The following UNC13C variants were observed in gnomAD, a reference collection of about 807,000 sequenced individuals.
UNC13C encodes protein unc-13 homolog C.
A neutral mutation model predicts 245.4 loss-of-function variants in UNC13C; 174 were observed. That is an observed-to-expected ratio of 0.71 (90% CI 0.63 to 0.80). UNC13C has a LOEUF of 0.80. Among genes scored for constraint, UNC13C ranks in the 30% least tolerant of loss-of-function variants. The probability of loss-of-function intolerance (pLI) is 0.00; values close to 1 mark genes in which losing one functional copy is unlikely to be tolerated. For missense variants in UNC13C, 2,829 were observed against 2,602.9 expected (o/e 1.09, Z -1.89); for synonymous variants, 992 against 895.1 (o/e 1.11, Z -1.93).
intron 2 of UNC13C, among the ~76,000 whole-genome samples, chr15:54,121,314 G>A (rs1159821292): frequency 6.6e-6 from 1 of 152,142 alleles, no homozygotes; most frequent in Non-Finnish European, 1.5e-5. Flanking sequence ...ATTTGCGGAA[G>A]GCTCAGACGA....
intron 19 of UNC13C, among the ~76,000 whole-genome samples, chr15:54,437,792 G>A (rs1890302669): frequency 6.6e-6 from 1 of 151,824 alleles, no homozygotes; most frequent in Admixed American, 6.6e-5. Flanking sequence ...ATCCAGTATG[G>A]TTTCTCCTAT....
the UNC13C span, among the ~76,000 whole-genome samples, chr15:53,909,638 C>T: frequency 4.8e-5 from 7 of 146,526 alleles, no homozygotes; most frequent in African/African-American, 7.3e-5. Flanking sequence ...CCCAGCTACT[C>T]GGGAGGCTGA....
At chr15:53,935,666 G>A in the UNC13C span, among the ~76,000 whole-genome samples, 1 of 152,170 alleles carries the variant, frequency 6.6e-6, no homozygotes, top group Non-Finnish European at 1.5e-5. Context: ...AACCCACAGA[G>A]GGTGAGGAAA....
rs2140997663 is a variant in UNC13C at position 54,017,037 on chromosome 15, A to C, written c.2983+1151A>C. On this transcript the variant is annotated intron_variant, in intron 2 of 32. Coordinates refer to ENST00000260323, the MANE Select transcript of UNC13C (RefSeq NM_001080534.3). ...GCCATTTTGTGGTTGATGTGAGTAG[A>C]TTATTGAATAATCAGAAATCTTTAC... 3.3e-5 allele frequency among the ~76,000 whole-genome samples: 5 copies of C among 152,314 alleles called. No individual in the cohort carries two copies. The South Asian group carries it at 1.0e-3, about 32-fold the overall frequency.
intron 26 of UNC13C, among the ~76,000 whole-genome samples, chr15:54,537,233 A>G (rs777305189): frequency 3.3e-5 from 5 of 152,042 alleles, no homozygotes; most frequent in East Asian, 1.9e-4. Flanking sequence ...CACAATAGCC[A>G]CATACACACA....
intron 24 of UNC13C, chr15:54,512,436 T>C: frequency 2.2e-6 from 1 of 453,218 alleles, no homozygotes; most frequent in Non-Finnish European, 4.4e-6. Context: ...CCTCACTCCA[T>C]ACCTAAAGAC....
chr15:53,845,632 T>C, the UNC13C span, among the ~76,000 whole-genome samples: 2 of 152,216 alleles, frequency 1.3e-5, no homozygotes, highest in Non-Finnish European at 2.9e-5. Flanking sequence ...TTCAATATAA[T>C]TATAACTACT....
At chr15:54,139,121 A>G (rs1595900246) in intron 2 of UNC13C, among the ~76,000 whole-genome samples, 1 of 151,090 alleles carries the variant, frequency 6.6e-6, no homozygotes. Context: ...CACCATGCCC[A>G]GCTAATTTTT....
At chr15:53,844,863 T>C in the UNC13C span, among the ~76,000 whole-genome samples, 1 of 152,118 alleles carries the variant, frequency 6.6e-6, no homozygotes. Flanking sequence ...TGAGAAGCCA[T>C]GCTAGAGGTT....
chr15:54,534,029 A>G (rs1423360862), intron 26 of UNC13C, among the ~76,000 whole-genome samples: 1 of 152,330 alleles, frequency 6.6e-6, no homozygotes, highest in South Asian at 2.1e-4. Flanking sequence ...AAATAAAAGA[A>G]AAATTACAAT....
chr15:54,480,682 T>C (rs959294653), intron 19 of UNC13C, among the ~76,000 whole-genome samples: 1 of 152,166 alleles, frequency 6.6e-6, no homozygotes, highest in Non-Finnish European at 1.5e-5. Context: ...ATTACCATTT[T>C]TAATTAATTT....
intron 30 of UNC13C, among the ~76,000 whole-genome samples, chr15:54,571,543 G>C (rs138316503): frequency 2.1e-3 from 314 of 152,276 alleles, no homozygotes; most frequent in African/African-American, 7.3e-3. Flanking sequence ...TAACTGTCTA[G>C]GACTTAGCAC....
rs969892553 is a variant in UNC13C at position 54,249,400 on chromosome 15, G to A, written c.3229-825G>A. Among the ~76,000 whole-genome samples the A allele has an allele frequency of 9.2e-5, 14 of 152,114 alleles. 1 individual carries two copies. The highest frequency in any genetic ancestry group is 4.1e-4 in the South Asian group (2 of 4,826). Reference sequence around the variant, plus strand: ...AGTCTTAGAGCCCTTACATTTCTCCGTAGATTACAAGATTCATAAGTGGCA... The same window carrying A: ...AGTCTTAGAGCCCTTACATTTCTCCATAGATTACAAGATTCATAAGTGGCA... On this transcript the variant is annotated intron_variant, in intron 7 of 32. Coordinates refer to ENST00000260323, the MANE Select transcript of UNC13C (RefSeq NM_001080534.3).
the UNC13C span, among the ~76,000 whole-genome samples, chr15:53,964,896 A>C: frequency 5.3e-5 from 8 of 152,326 alleles, no homozygotes; most frequent in South Asian, 1.7e-3. Context: ...CGTTAGCCAC[A>C]GTCATACATG....
In UNC13C at chr15:54,293,918, G is replaced by A. The variant is rs774311458; in HGVS notation, c.3842G>A (p.Arg1281Gln). 7 of 1,577,990 alleles carry A rather than the reference G, an allele frequency of 4.4e-6. No individual in the cohort carries two copies. The highest frequency in any genetic ancestry group is 3.6e-5 in the South Asian group (3 of 84,146). ...AGTGAGTGTCATAACTCCACAGATC[G>A]AATCAAAGTCAGAGTATGGGATGAA... is the stretch of plus-strand genomic sequence containing the variant. ...FYFECHNSTD[R>Q]IKVRVWDEDD... The change falls in exon 11 of 33, where the codon CGA (arginine) becomes CAA (glutamine). Residue 1281 changes from arginine (R) to glutamine (Q), a missense_variant. By Grantham distance (43) the Arg-to-Gln change is conservative. Coordinates refer to ENST00000260323, the MANE Select transcript of UNC13C (RefSeq NM_001080534.3).
chr15:54,216,499 A>C (rs1404950807), intron 4 of UNC13C, among the ~76,000 whole-genome samples: 1 of 151,934 alleles, frequency 6.6e-6, no homozygotes, highest in African/African-American at 2.4e-5. Context: ...AAAACTTTTA[A>C]AAAATCGTTT....
chr15:54,062,346 C>T (rs1897881369), intron 2 of UNC13C, among the ~76,000 whole-genome samples: 1 of 151,704 alleles, frequency 6.6e-6, no homozygotes, highest in South Asian at 2.1e-4. Flanking sequence ...AAAAAATCTC[C>T]ATCCTCTGTG....
At chr15:54,180,355 A>G (rs571777012) in intron 4 of UNC13C, among the ~76,000 whole-genome samples, 1 of 152,152 alleles carries the variant, frequency 6.6e-6, no homozygotes, top group African/African-American at 2.4e-5. Flanking sequence ...TCATGGCTAC[A>G]CAGTATTCCA....
chr15:53,848,878 C>T, the UNC13C span, among the ~76,000 whole-genome samples: 2 of 151,928 alleles, frequency 1.3e-5, no homozygotes, highest in African/African-American at 4.8e-5. Flanking sequence ...ACCTCACTAA[C>T]ATTACCAGCT....
Sources: gnomAD v4.1 joint callset for allele counts (sites outside exome capture counted in the v4.1 genomes callset) on GRCh38, gnomAD v4.1.1 for gene constraint, MANE v1.5 for transcripts, NCBI Gene and HGNC (gene_info 2026-07-23, HGNC 2026-07-21) for gene names.